FOXP1: variants seen among roughly 807,000 people sequenced by gnomAD.
FOXP1 encodes the protein forkhead box protein P1.
Under a neutral mutation model 98.2 loss-of-function variants are expected in FOXP1, and 15 were observed. That is an observed-to-expected ratio of 0.15 (90% CI 0.10 to 0.24). The LOEUF (loss-of-function observed/expected upper bound fraction) is 0.24. Among genes scored for constraint, FOXP1 ranks in the 10% least tolerant of loss-of-function variants. The pLI is 1.00. For synonymous variants in FOXP1, 371 were observed against 314.5 expected, an observed-to-expected ratio of 1.18 and a Z score of -1.90; for missense variants, 633 against 848.5, an observed-to-expected ratio of 0.75 and a Z score of 3.15.
intron 3 of FOXP1, among the ~76,000 whole-genome samples, chr3:71,464,091 A>C (rs187606762): frequency 4.6e-5 from 7 of 152,324 alleles, no homozygotes; most frequent in Non-Finnish European, 8.8e-5. Context: ...CAACCTGGGC[A>C]ACATAGGGAG....
At position 71,048,695 on chromosome 3, in the gene FOXP1, T is replaced by C. The variant is rs577854424; in HGVS notation, c.511-1600A>G. On this transcript the variant is annotated intron_variant, in intron 9 of 20. Coordinates refer to ENST00000649528, the MANE Select transcript of FOXP1 (RefSeq NM_001349338.3). ...ATTCATGTCAAAACGATTTTTTCAC[T>C]TCTTCAACAGATATTAACTCACAAC... 2.6e-5 allele frequency among the ~76,000 whole-genome samples: 4 copies of C among 152,094 alleles called. No individual in the cohort carries two copies. The South Asian group carries it at 8.3e-4, about 32-fold the overall frequency.
At chr3:71,012,458 G>A (rs1004748283) in intron 12 of FOXP1, among the ~76,000 whole-genome samples, 8 of 152,128 alleles carry the variant, frequency 5.3e-5, no homozygotes, top group Non-Finnish European at 1.2e-4. Flanking sequence ...ATTGCTGATC[G>A]TGATTGTTCA....
chr3:71,466,711 C>T (rs1560525468), intron 3 of FOXP1, among the ~76,000 whole-genome samples: 1 of 152,166 alleles, frequency 6.6e-6, no homozygotes, highest in Non-Finnish European at 1.5e-5. Context: ...AGCCCCACCC[C>T]AGAGTTTACA....
intron 3 of FOXP1, among the ~76,000 whole-genome samples, chr3:71,394,857 T>C (rs780026189): frequency 3.9e-5 from 6 of 152,006 alleles, no homozygotes; most frequent in Non-Finnish European, 7.4e-5. Context: ...TCCCAGCACT[T>C]TGGGAGGCCG....
chr3:71,267,438 A>G (rs2704804), intron 5 of FOXP1, among the ~76,000 whole-genome samples: 90,846 of 151,990 alleles, frequency 0.6, 27,161 homozygotes, highest in Admixed American at 0.64. Flanking sequence ...GACAAGAGTC[A>G]TGTCCTTGAG....
intron 11 of FOXP1, among the ~76,000 whole-genome samples, chr3:71,033,121 A>T (rs983479684): frequency 2.6e-5 from 4 of 152,164 alleles, no homozygotes; most frequent in Non-Finnish European, 5.9e-5. Flanking sequence ...GAAAGCTAAG[A>T]CACAATTGGG....
intron 3 of FOXP1, among the ~76,000 whole-genome samples, chr3:71,365,131 T>C (rs2078831281): frequency 1.3e-5 from 2 of 152,178 alleles, no homozygotes; most frequent in South Asian, 2.1e-4. Flanking sequence ...CTTCAGAACA[T>C]TGATTGAGGG....
At chr3:71,570,513 T>C (rs2047256603) in intron 2 of FOXP1, 1 of 152,206 alleles carries the variant, frequency 6.6e-6, no homozygotes. Flanking sequence ...GATTTTCCCA[T>C]TCGGAAAGGG....
chr3:71,546,755 C>T (rs1054666823), intron 2 of FOXP1, among the ~76,000 whole-genome samples: 18 of 152,298 alleles, frequency 1.2e-4, no homozygotes, highest in Admixed American at 6.5e-5. Context: ...CAGGGAGCTG[C>T]CTAGCCTCTG....
chr3:71,042,407 C>T (rs1435240356), intron 10 of FOXP1, among the ~76,000 whole-genome samples: 2 of 152,096 alleles, frequency 1.3e-5, no homozygotes, highest in African/African-American at 2.4e-5. Context: ...TCGTCTTTAT[C>T]CTGCTGGCAT....
At chr3:71,360,954 G>A (rs1434339516) in intron 3 of FOXP1, among the ~76,000 whole-genome samples, 1 of 152,156 alleles carries the variant, frequency 6.6e-6, no homozygotes, top group Non-Finnish European at 1.5e-5. Flanking sequence ...GTCTCTTCTA[G>A]ATATGAGATA....
chr3:71,185,570 T>C (rs748797886), intron 6 of FOXP1, among the ~76,000 whole-genome samples: 18 of 152,188 alleles, frequency 1.2e-4, no homozygotes, highest in Non-Finnish European at 2.6e-4. Context: ...AATCGTACAA[T>C]CAACTTTGCA....
intron 5 of FOXP1, among the ~76,000 whole-genome samples, chr3:71,205,508 TA>T (rs138549754): frequency 6.6e-6 from 1 of 150,890 alleles, no homozygotes; most frequent in Non-Finnish European, 1.5e-5. Flanking sequence ...AAGCATGTTT[TA>T]AAAAAAAACA....
At chr3:71,294,600 G>A (rs1442291580) in intron 5 of FOXP1, among the ~76,000 whole-genome samples, 1 of 151,940 alleles carries the variant, frequency 6.6e-6, no homozygotes, top group Non-Finnish European at 1.5e-5. Flanking sequence ...ATTAATATAT[G>A]TATGTATGTA....
chr3:71,087,728 A>G (rs2055289644), intron 7 of FOXP1, among the ~76,000 whole-genome samples: 1 of 152,084 alleles, frequency 6.6e-6, no homozygotes, highest in Non-Finnish European at 1.5e-5. Context: ...TTTTTTTATG[A>G]CACCTTATAT....
At chr3:71,001,115 TAA>T in intron 12 of FOXP1, 56 bp from the exon 13 acceptor site, 1 of 1,364,862 alleles carries the variant, frequency 7.3e-7, no homozygotes, top group East Asian at 2.3e-5. Flanking sequence ...AAGGAAAATA[TAA>T]GTTACCAGGA....
At chr3:71,392,953 CTT>C (rs1336003391) in intron 3 of FOXP1, among the ~76,000 whole-genome samples, 2 of 152,126 alleles carry the variant, frequency 1.3e-5, no homozygotes, top group African/African-American at 2.4e-5. Flanking sequence ...TGAAATGACT[CTT>C]TGAGATGGCA....
At chr3:71,146,793 T>C (rs1320133411) in intron 6 of FOXP1, among the ~76,000 whole-genome samples, 1 of 152,166 alleles carries the variant, frequency 6.6e-6, no homozygotes, top group Admixed American at 6.5e-5. Context: ...AGAATTAATA[T>C]CTTGGCTGAA....
At chr3:71,123,237 G>GCCCTGCATCTGAAT in intron 6 of FOXP1, among the ~76,000 whole-genome samples, 1 of 152,268 alleles carries the variant, frequency 6.6e-6, no homozygotes. Context: ...CAAGGGACCA[G>GCCCTGCATCTGAAT]CCCTGCATCT....
Sources: gnomAD v4.1 joint callset for allele counts (sites outside exome capture counted in the v4.1 genomes callset) on GRCh38, gnomAD v4.1.1 for gene constraint, MANE v1.5 for transcripts, NCBI Gene and HGNC (gene_info 2026-07-23, HGNC 2026-07-21) for gene names.